SLC26A1: variants seen among roughly 807,000 people sequenced by gnomAD.
SLC26A1 encodes sulfate anion transporter 1.
Under a neutral mutation model 14.5 loss-of-function variants are expected in SLC26A1, and 18 were observed. That is an observed-to-expected ratio of 1.24 (90% CI 0.86 to 1.84). The LOEUF is 1.84. SLC26A1 is among the 40% of genes most tolerant of loss of function. The pLI is 0.00. For synonymous variants in SLC26A1, 505 were observed against 492.0 expected (o/e 1.03, Z -0.35); for missense variants, 1,049 against 1,020.0 (o/e 1.03, Z -0.39).
intron 2 of SLC26A1, 174 bp downstream of exon 2, chr4:990,954 G>A (rs1223877192): frequency 3.8e-5 from 24 of 631,326 alleles, no homozygotes; most frequent in South Asian, 5.4e-5. Flanking sequence ...TCTCCGCGTC[G>A]GTGCCTCGCC....
Position 989,542 on chromosome 4 carries a change from A to G in SLC26A1, c.1397T>C (p.Met466Thr). ...KVWDLPRLWR[M>T]SPADALVWAG... ...CCAGACCAGCGCGTCAGCCGGGCTC[A>G]TCCGCCACAGCCGCGGGAGGTCCCA... The change falls in exon 3 of 3, where the codon ATG becomes ACG. Residue 466 changes from methionine (M) to threonine (T), a missense_variant. By Grantham distance (81) the Met-to-Thr change is moderately conservative. Transcript: ENST00000398516. 3 of 1,567,216 alleles carry G rather than the reference A, an allele frequency of 1.9e-6. No individual in the cohort carries two copies. Among genetic ancestry groups the G allele is most frequent in the South Asian group, 1.2e-5 (1 of 85,684 alleles).
At chr4:985,235 G>A (rs769188373), downstream of SLC26A1, among the ~76,000 whole-genome samples, 3 of 152,288 alleles carry the variant, frequency 2.0e-5, no homozygotes, top group Admixed American at 1.3e-4. Context: ...AGGAACGAAC[G>A]CAGCAGCGTG....
rs747608959 is a variant in SLC26A1, at chr4:991,298, C to T, written c.406G>A (p.Val136Met). 6.2e-7 allele frequency: 1 copy of T among 1,612,792 alleles called. No individual in the cohort carries two copies. Among genetic ancestry groups the T allele is most frequent in the Non-Finnish European group, 8.5e-7 (1 of 1,179,926 alleles). Residue 136 changes from valine (V) to methionine (M), a missense_variant, in exon 2 of 3, where the codon GTG becomes ATG. By Grantham distance (21) the Val-to-Met change is conservative. Transcript: ENST00000398516. ...GCCAGCTGGAGCTCCCGGTCCACCA[C>T]CTGCCCCACCATGAGGCAAAGCAGG... ...FSLLCLMVGQ[V>M]VDRELQLAGF...
rs768389832 is a variant in SLC26A1 at position 987,810 on chromosome 4, C to T, written c.*1023G>A. ...GAGCCGCCCCTTTGTTGTCCCCAGCCCCCCGCTGCCACACAGCCAGGCTGA... is the reference window on the plus strand; with the variant it reads ...GAGCCGCCCCTTTGTTGTCCCCAGCTCCCCGCTGCCACACAGCCAGGCTGA... On this transcript the variant is annotated 3_prime_UTR_variant, in exon 3 of 3. Transcript: ENST00000398516. The T allele has an allele frequency of 3.1e-6, 5 of 1,612,370 alleles. No individual in the cohort carries two copies. In the East Asian group the frequency reaches 8.9e-5, roughly 29 times the overall value.
At chr4:993,111 A>C (rs1022874099) in intron 1 of SLC26A1, among the ~76,000 whole-genome samples, 190 bp downstream of exon 1, 1 of 151,986 alleles carries the variant, frequency 6.6e-6, no homozygotes, top group Non-Finnish European at 1.5e-5. Context: ...ACCCCACCAC[A>C]CTGGGTCCCT....
In SLC26A1 at chr4:991,478, C is replaced by G. The variant is rs387907482; in HGVS notation, c.226G>C (p.Gly76Arg). 12 of 1,611,512 alleles carry G rather than the reference C, an allele frequency of 7.4e-6. No individual in the cohort carries two copies. The highest frequency in any genetic ancestry group is 2.2e-5 in the East Asian group (1 of 44,848). Residue 76 changes from glycine (G) to arginine (R), a missense_variant, in exon 2 of 3, where the codon GGG becomes CGG. Physicochemically the swap from Gly to Arg is moderately radical, Grantham distance 125 (BLOSUM62 -2). Coordinates refer to ENST00000398516, the MANE Select transcript of SLC26A1 (RefSeq NM_022042.4). Reference protein sequence around the residue: ...REYLAGDVMSGLVIGIILVPQ... With the variant: ...REYLAGDVMSRLVIGIILVPQ... Reference sequence around the variant, plus strand: ...ACCAGGATGATGCCGATGACCAGCCCAGACATGACGTCGCCTGCCAGGTAC... The same window carrying G: ...ACCAGGATGATGCCGATGACCAGCCGAGACATGACGTCGCCTGCCAGGTAC...
chr4:988,626 GTTCTTGAT>G lies in SLC26A1; in HGVS notation c.*199_*206del. On this transcript the variant is annotated 3_prime_UTR_variant, in exon 3 of 3. Coordinates refer to ENST00000398516, the MANE Select transcript of SLC26A1 (RefSeq NM_022042.4). ...GGGCCAGCCTGTCTCGGAGGCAGAGGTTCTTGATTTCTGAGTGTTTGGGTCCTGCGTGT... is the reference window on the plus strand; with the variant it reads ...GGGCCAGCCTGTCTCGGAGGCAGAGGTTCTGAGTGTTTGGGTCCTGCGTGT... The G allele has an allele frequency of 7.2e-7, 1 of 1,383,144 alleles. No homozygotes were observed. The highest frequency in any genetic ancestry group is 9.3e-7 in the Non-Finnish European group (1 of 1,074,448). 85.7% of individuals were successfully genotyped at this position (1,383,144 alleles called of 1,614,324 possible).
At position 987,900 on chromosome 4, in the gene SLC26A1, G is replaced by A. The variant is rs564306004; in HGVS notation, c.*933C>T. On this transcript the variant is annotated 3_prime_UTR_variant, in exon 3 of 3. Coordinates refer to ENST00000398516, the MANE Select transcript of SLC26A1 (RefSeq NM_022042.4). ...CTATGTGGGCGCCGTCCCTCACCGC[G>A]GCATCAAGCAGGTCCGGACCCACTG... The A allele has an allele frequency of 1.8e-4, 296 of 1,608,582 alleles. 3 individuals carry two copies. The South Asian group carries it at 3.0e-3, about 16-fold the overall frequency.
At chr4:992,345 C>A (rs1269359743) in intron 1 of SLC26A1, 3 of 387,836 alleles carry the variant, frequency 7.7e-6, no homozygotes, top group Non-Finnish European at 1.6e-5. Flanking sequence ...GTCACCTGCC[C>A]TGTGGGTCCT....
Position 987,991 on chromosome 4 carries a change from A to G in SLC26A1, c.*842T>C. ...GTCTGGGCGTCCCAGAGCCCCTTAC[A>G]GAGGCACAGATGGGAGGGGAGGGCT... On this transcript the variant is annotated 3_prime_UTR_variant, in exon 3 of 3. Transcript: ENST00000398516. 17 of 1,536,470 alleles carry G rather than the reference A, an allele frequency of 1.1e-5. No homozygotes were observed. The highest frequency in any genetic ancestry group is 4.9e-5 in the East Asian group (2 of 40,716).
chr4:980,624 G>A (rs183381785), intron 2 of SLC26A1, among the ~76,000 whole-genome samples: 1 of 150,998 alleles, frequency 6.6e-6, no homozygotes, highest in East Asian at 1.9e-4. Flanking sequence ...ATACAATCAG[G>A]ATGGACAGGA....
chr4:992,210 T>C (rs1435653445), intron 1 of SLC26A1: 1 of 458,568 alleles, frequency 2.2e-6, no homozygotes, highest in Non-Finnish European at 4.4e-6. Context: ...CTGCTCCGTG[T>C]CCACCTCCCT....
chr4:989,585 C>A lies in SLC26A1; in HGVS notation c.1354G>T (p.Gly452Trp), dbSNP rs1208113230. The A allele has an allele frequency of 6.3e-7, 1 of 1,598,660 alleles. No individual in the cohort carries two copies. Among genetic ancestry groups the A allele is most frequent in the African/African-American group, 1.3e-5 (1 of 74,798 alleles). ...LACVIVVSLR[G>W]ALRKVWDLPR... The stretch of plus-strand genomic sequence containing the variant: ...AGGTCCCACACCTTGCGCAGGGCCC[C>A]CCGCAGGCTGACCACGATGACGCAG... The change falls in exon 3 of 3, where the codon GGG becomes TGG. Residue 452 changes from glycine (G) to tryptophan (W), a missense_variant. Physicochemically the swap from Gly to Trp is radical, Grantham distance 184. Transcript: ENST00000398516.
In SLC26A1 at chr4:988,544, G is replaced by C; in HGVS notation, c.*289C>G. ...ATAAGATGTCAACCCTGAGCGTCAGGTCAGGCCCATCCCTCCTGAGCTGAG... is the reference window on the plus strand; with the variant it reads ...ATAAGATGTCAACCCTGAGCGTCAGCTCAGGCCCATCCCTCCTGAGCTGAG... On this transcript the variant is annotated 3_prime_UTR_variant, in exon 3 of 3. Transcript: ENST00000398516. The C allele has an allele frequency of 7.8e-7, 1 of 1,274,184 alleles. No homozygotes were observed. The highest frequency in any genetic ancestry group is 9.9e-7 in the Non-Finnish European group (1 of 1,009,614). 78.9% of individuals were successfully genotyped at this position (1,274,184 alleles called of 1,614,324 possible).
chr4:989,879 C>G lies in SLC26A1; in HGVS notation c.1060G>C (p.Ala354Pro). The change falls in exon 3 of 3, where the codon GCC becomes CCC. Residue 354 changes from alanine to proline, a missense_variant. By Grantham distance (27) the Ala-to-Pro change is conservative. Coordinates refer to ENST00000398516, the MANE Select transcript of SLC26A1 (RefSeq NM_022042.4). ...ATCTCCGCCAGCGAGATGGAGAAGG[C>G]GGCAGCCACGAGGGCCAGGGCCACG... ...DAVALALVAA[A>P]FSISLAEMFA... The G allele has an allele frequency of 6.4e-7, 1 of 1,571,440 alleles. No homozygotes were observed. Among genetic ancestry groups the G allele is most frequent in the African/African-American group, 1.3e-5 (1 of 74,298 alleles).
rs371320635 is a variant in SLC26A1, at chr4:990,258, C to T, written c.681G>A (p.Gln227=). 44 of 1,591,266 alleles carry T rather than the reference C, an allele frequency of 2.8e-5. No homozygotes were observed. The South Asian group carries it at 3.4e-4, about 12-fold the overall frequency. Residue 227 remains glutamine (Q), a synonymous_variant, in exon 3 of 3, where the codon CAG becomes CAA. Coordinates refer to ENST00000398516, the MANE Select transcript of SLC26A1 (RefSeq NM_022042.4). ...TCCGCACGCCCAGCAGGTGTTTGAG[C>T]TGCGAGGTCAGGATGGTCACGGAGG... is the stretch of plus-strand genomic sequence containing the variant. The part of the protein sequence containing the change: ...MGASVTILTS[Q]LKHLLGVRIP...
downstream of SLC26A1, among the ~76,000 whole-genome samples, chr4:985,231 G>A (rs371066582): frequency 6.6e-5 from 10 of 152,274 alleles, no homozygotes; most frequent in East Asian, 1.9e-4. Context: ...TGTGAGGAAC[G>A]AACGCAGCAG....
intron 1 of SLC26A1, 81 bp from the exon 2 acceptor site, chr4:991,811 C>A: frequency 6.5e-7 from 1 of 1,532,892 alleles, no homozygotes; most frequent in South Asian, 1.2e-5. Flanking sequence ...CAACGGGCCC[C>A]TTGGGGCGGA....
downstream of SLC26A1, chr4:987,272 T>C: frequency 6.6e-7 from 1 of 1,509,846 alleles, no homozygotes; most frequent in Non-Finnish European, 8.8e-7. Context: ...CGGGACCCCC[T>C]GGCCGCACGG....
Sources: gnomAD v4.1 joint callset for allele counts (sites outside exome capture counted in the v4.1 genomes callset) on GRCh38, gnomAD v4.1.1 for gene constraint, MANE v1.5 for transcripts, NCBI Gene and HGNC (gene_info 2026-07-23, HGNC 2026-07-21) for gene names.